The following GPC5 variants were observed in gnomAD, a reference collection of about 807,000 sequenced individuals.
GPC5 encodes glypican 5.
Under a neutral mutation model 53.9 loss-of-function variants are expected in GPC5, and 47 were observed. That is an observed-to-expected ratio of 0.87 (90% CI 0.69 to 1.11). GPC5 has a LOEUF of 1.11. GPC5 is among the 50% of genes most tolerant of loss of function. The pLI, the probability that GPC5 is intolerant of heterozygous loss-of-function variation, is 0.00. For missense variants in GPC5, 748 were observed against 713.1 expected (o/e 1.05, Z -0.56); for synonymous variants, 286 against 263.3 (o/e 1.09, Z -0.84).
At chr13:91,666,927 A>T (rs1221205520) in intron 2 of GPC5, among the ~76,000 whole-genome samples, 1 of 152,072 alleles carries the variant, frequency 6.6e-6, no homozygotes, top group Non-Finnish European at 1.5e-5. Context: ...AATTCACTTG[A>T]ATAGATTAGC....
chr13:92,697,874 A>G (rs1430701350), intron 7 of GPC5, among the ~76,000 whole-genome samples: 1 of 152,174 alleles, frequency 6.6e-6, no homozygotes, highest in Non-Finnish European at 1.5e-5. Flanking sequence ...CATTCCATCA[A>G]TACCTAGTTT....
At chr13:92,530,904 T>C (rs1881541287) in intron 7 of GPC5, among the ~76,000 whole-genome samples, 1 of 152,192 alleles carries the variant, frequency 6.6e-6, no homozygotes, top group African/African-American at 2.4e-5. Flanking sequence ...GATCTCCATA[T>C]AGATTCCCAA....
In GPC5 at chr13:92,755,238, A is replaced by C. The variant is rs1341250000; in HGVS notation, c.1562-111044A>C. On this transcript the variant is annotated intron_variant, in intron 7 of 7. Coordinates refer to ENST00000377067, the MANE Select transcript of GPC5 (RefSeq NM_004466.6). Reference sequence around the variant, plus strand: ...CTGCTCCTGAATGACTACTGGGTACATAACGAAATGAAGGCAGAAATAAAG... The same window carrying C: ...CTGCTCCTGAATGACTACTGGGTACCTAACGAAATGAAGGCAGAAATAAAG... Among the ~76,000 whole-genome samples the C allele has an allele frequency of 2.1e-5, 3 of 141,266 alleles. No individual in the cohort carries two copies. The Admixed American group carries it at 2.2e-4, about 10-fold the overall frequency. 92.7% of individuals were successfully genotyped at this position (141,266 alleles called of 152,430 possible).
chr13:91,784,056 T>G (rs1478016855), intron 5 of GPC5, among the ~76,000 whole-genome samples: 1 of 152,126 alleles, frequency 6.6e-6, no homozygotes, highest in Admixed American at 6.5e-5. Flanking sequence ...AGAGATATAT[T>G]AGAAACTATG....
At chr13:92,632,966 C>T (rs999097639) in intron 7 of GPC5, among the ~76,000 whole-genome samples, 3 of 152,170 alleles carry the variant, frequency 2.0e-5, no homozygotes, top group Non-Finnish European at 2.9e-5. Flanking sequence ...TCTTGGCTCA[C>T]TGCAATCTCT....
At chr13:91,471,138 C>A (rs995594157) in intron 2 of GPC5, among the ~76,000 whole-genome samples, 2 of 152,156 alleles carry the variant, frequency 1.3e-5, no homozygotes, top group Admixed American at 6.6e-5. Context: ...TTCTTGGACA[C>A]TTCTGTACTG....
chr13:91,859,580 CATA>C (rs2039004078), intron 5 of GPC5, among the ~76,000 whole-genome samples: 1 of 151,840 alleles, frequency 6.6e-6, no homozygotes. Flanking sequence ...TAGAATTGTT[CATA>C]ATAATTATTA....
chr13:92,417,136 AT>A (rs1192191704), intron 7 of GPC5, among the ~76,000 whole-genome samples: 3 of 152,244 alleles, frequency 2.0e-5, no homozygotes, highest in Non-Finnish European at 2.9e-5. Flanking sequence ...AATAAAAAAA[AT>A]CATAAGTCAA....
At chr13:91,976,989 A>G (rs1431109199) in intron 6 of GPC5, among the ~76,000 whole-genome samples, 1 of 152,026 alleles carries the variant, frequency 6.6e-6, no homozygotes, top group Admixed American at 6.6e-5. Context: ...CAGTGAACCA[A>G]GATCATGCCA....
intron 2 of GPC5, among the ~76,000 whole-genome samples, chr13:91,577,718 A>G (rs542033213): frequency 2.0e-5 from 3 of 152,174 alleles, no homozygotes; most frequent in Non-Finnish European, 4.4e-5. Flanking sequence ...GTTTGTTACT[A>G]TGGACTTCTC....
intron 7 of GPC5, among the ~76,000 whole-genome samples, chr13:92,579,242 TCTCCCTCCCTCCCTCC>T (rs1176129175): frequency 1.5e-5 from 1 of 66,610 alleles, no homozygotes; most frequent in East Asian, 3.8e-4. Context: ...ATTTATGCTC[TCTCCCTCCCTCCCTCC>T]CTCCCTCCCT....
At chr13:91,677,138 A>T (rs1472263252) in intron 2 of GPC5, among the ~76,000 whole-genome samples, 1 of 152,216 alleles carries the variant, frequency 6.6e-6, no homozygotes, top group Non-Finnish European at 1.5e-5. Flanking sequence ...GTTCATTGTG[A>T]AAAAGATGTA....
Position 92,114,338 on chromosome 13 carries a change from G to A in GPC5, c.1402-30492G>A, listed in dbSNP as rs375781229. 1.9e-4 allele frequency among the ~76,000 whole-genome samples: 29 copies of A among 152,166 alleles called. No homozygotes were observed. In the South Asian group the frequency reaches 5.4e-3, roughly 28 times the overall value. On this transcript the variant is annotated intron_variant, in intron 6 of 7. Transcript: ENST00000377067. ...ACACACACATACTCACATGCAGAAC[G>A]TTACTTCAGACCTTCACAGGACCTT...
At chr13:91,444,181 T>C (rs1257716281) in intron 1 of GPC5, among the ~76,000 whole-genome samples, 1 of 152,154 alleles carries the variant, frequency 6.6e-6, no homozygotes, top group African/African-American at 2.4e-5. Flanking sequence ...TTGTGTTCCT[T>C]CTAGTAAGGC....
chr13:92,412,852 T>A (rs913898014), intron 7 of GPC5, among the ~76,000 whole-genome samples: 4 of 152,212 alleles, frequency 2.6e-5, no homozygotes, highest in African/African-American at 7.2e-5. Context: ...ATTAATACAT[T>A]ACTTTGCTAA....
chr13:91,639,177 G>A (rs1053999682), intron 2 of GPC5, among the ~76,000 whole-genome samples: 7 of 152,132 alleles, frequency 4.6e-5, no homozygotes, highest in African/African-American at 1.7e-4. Flanking sequence ...TTTAAAGTTT[G>A]TCTAAAGAAA....
At chr13:91,469,423 A>T (rs1882466252) in intron 2 of GPC5, among the ~76,000 whole-genome samples, 1 of 150,378 alleles carries the variant, frequency 6.6e-6, no homozygotes, top group Non-Finnish European at 1.5e-5. Context: ...TTTCTTTTTA[A>T]TTTTTTTCTC....
intron 7 of GPC5, among the ~76,000 whole-genome samples, chr13:92,312,979 C>A (rs1462584083): frequency 1.3e-5 from 2 of 152,068 alleles, no homozygotes; most frequent in African/African-American, 4.8e-5. Flanking sequence ...GCCTATAATA[C>A]TTCTGGAAGG....
intron 6 of GPC5, among the ~76,000 whole-genome samples, chr13:92,006,957 C>T (rs918119049): frequency 3.5e-5 from 5 of 140,952 alleles, no homozygotes; most frequent in Admixed American, 2.1e-4. Flanking sequence ...ATGAATTCTG[C>T]TTTAATTACA....
Sources: gnomAD v4.1 joint callset for allele counts (sites outside exome capture counted in the v4.1 genomes callset) on GRCh38, gnomAD v4.1.1 for gene constraint, MANE v1.5 for transcripts, NCBI Gene and HGNC (gene_info 2026-07-23, HGNC 2026-07-21) for gene names.